LIMCH1: variants seen among roughly 807,000 people sequenced by gnomAD.
The protein encoded by LIMCH1 is LIM and calponin homology domains-containing protein 1.
Under a neutral mutation model 176.5 loss-of-function variants are expected in LIMCH1, and 113 were observed. That is an observed-to-expected ratio of 0.64 (90% CI 0.55 to 0.75). The LOEUF is 0.75. Among genes scored for constraint, LIMCH1 ranks in the 30% least tolerant of loss-of-function variants. The probability of loss-of-function intolerance (pLI) is 0.00; values close to 1 mark genes in which losing one functional copy is unlikely to be tolerated. For synonymous variants in LIMCH1, 619 were observed against 645.9 expected (o/e 0.96, Z 0.63); for missense variants, 1,674 against 1,814.9 (o/e 0.92, Z 1.41).
chr4:41,523,549 T>G (rs1251934697), intron 2 of LIMCH1, among the ~76,000 whole-genome samples: 1 of 152,226 alleles, frequency 6.6e-6, no homozygotes, highest in East Asian at 1.9e-4. Context: ...TTCCCGAACG[T>G]GGAAATAACA....
At chr4:41,447,238 A>C (rs1402361121) in intron 1 of LIMCH1, among the ~76,000 whole-genome samples, 1 of 152,216 alleles carries the variant, frequency 6.6e-6, no homozygotes, top group Non-Finnish European at 1.5e-5. Context: ...CTGTCTCAAC[A>C]ACAAACAAAC....
intron 21 of LIMCH1, among the ~76,000 whole-genome samples, chr4:41,666,921 A>T (rs1439867630): frequency 6.6e-6 from 1 of 152,176 alleles, no homozygotes; most frequent in Non-Finnish European, 1.5e-5. Flanking sequence ...TAGAGCCTAT[A>T]CAAGTGTTAG....
upstream of LIMCH1, among the ~76,000 whole-genome samples, chr4:41,535,599 A>G (rs2077826453): frequency 6.6e-6 from 1 of 152,170 alleles, no homozygotes; most frequent in Non-Finnish European, 1.5e-5. Flanking sequence ...TCTTACAGTC[A>G]CTACAGTCAC....
intron 1 of LIMCH1, among the ~76,000 whole-genome samples, chr4:41,441,579 T>C (rs1490147334): frequency 6.6e-6 from 1 of 152,176 alleles, no homozygotes; most frequent in African/African-American, 2.4e-5. Context: ...AAAATATGCA[T>C]GGGATTTGGA....
chr4:41,459,494 G>A (rs2065030657), intron 1 of LIMCH1, among the ~76,000 whole-genome samples: 1 of 152,068 alleles, frequency 6.6e-6, no homozygotes. Flanking sequence ...TAAAGACGAG[G>A]TCTCACCCTG....
At chr4:41,462,019 G>A (rs1438318576) in intron 1 of LIMCH1, among the ~76,000 whole-genome samples, 7 of 152,102 alleles carry the variant, frequency 4.6e-5, no homozygotes, top group Non-Finnish European at 7.4e-5. Flanking sequence ...GGCCAGTGTT[G>A]CCAAAGGGGC....
chr4:41,601,865 A>T (rs2089979585), intron 2 of LIMCH1, among the ~76,000 whole-genome samples: 1 of 152,052 alleles, frequency 6.6e-6, no homozygotes, highest in South Asian at 2.1e-4. Flanking sequence ...GTTAAAGTGG[A>T]ACTGCTATAT....
intron 1 of LIMCH1, among the ~76,000 whole-genome samples, chr4:41,583,333 T>G (rs763186823): frequency 2.0e-5 from 3 of 152,182 alleles, no homozygotes; most frequent in Non-Finnish European, 2.9e-5. Context: ...TTCACCCTTC[T>G]CCTCTCTTCC....
intron 2 of LIMCH1, among the ~76,000 whole-genome samples, chr4:41,601,060 T>C (rs1367061562): frequency 1.3e-5 from 2 of 152,202 alleles, no homozygotes; most frequent in East Asian, 3.9e-4. Context: ...GGTACTCTTA[T>C]TTTCTTTAGG....
At chr4:41,499,083 A>G (rs553122087) in intron 2 of LIMCH1, among the ~76,000 whole-genome samples, 18 of 152,344 alleles carry the variant, frequency 1.2e-4, no homozygotes, top group Middle Eastern at 6.8e-3. Flanking sequence ...TAAAGTTAAG[A>G]AATTGAGTTT....
intron 28 of LIMCH1, among the ~76,000 whole-genome samples, chr4:41,687,587 T>C (rs951681154): frequency 6.6e-6 from 1 of 152,282 alleles, no homozygotes; most frequent in Admixed American, 6.5e-5. Flanking sequence ...ATTCTGTCTT[T>C]TCTGTTCAGC....
chr4:41,541,338 G>A, intron 1 of LIMCH1, among the ~76,000 whole-genome samples: 1 of 152,152 alleles, frequency 6.6e-6, no homozygotes, highest in East Asian at 1.9e-4. Context: ...TCTCTTTTCA[G>A]CTCTGGGTAC....
chr4:41,403,123 G>T (rs1254957876), intron 1 of LIMCH1, among the ~76,000 whole-genome samples: 1 of 151,438 alleles, frequency 6.6e-6, no homozygotes, highest in Non-Finnish European at 1.5e-5. Flanking sequence ...AAAAAGCCTA[G>T]TACCATATCT....
intron 1 of LIMCH1, among the ~76,000 whole-genome samples, chr4:41,494,149 GA>G (rs895415215): frequency 5.9e-5 from 9 of 151,610 alleles, no homozygotes; most frequent in Admixed American, 5.9e-4. Flanking sequence ...GTAGTAAATA[GA>G]AAAAAAGGCT....
chr4:41,612,758 T>TC, intron 4 of LIMCH1: 1 of 717,370 alleles, frequency 1.4e-6, no homozygotes. Flanking sequence ...TGCTTTCAGC[T>TC]CCCCCAGCGC....
chr4:41,396,042 C>T (rs1262461070), intron 1 of LIMCH1, among the ~76,000 whole-genome samples: 1 of 152,090 alleles, frequency 6.6e-6, no homozygotes. Context: ...AGAAGAGCTC[C>T]CCGGTAATGG....
chr4:41,586,800 G>A (rs534624698), intron 1 of LIMCH1, among the ~76,000 whole-genome samples: 3 of 152,272 alleles, frequency 2.0e-5, no homozygotes, highest in Admixed American at 6.5e-5. Flanking sequence ...GAGCTTGAAT[G>A]TCAAGTCCTT....
intron 28 of LIMCH1, 41 bp downstream of exon 28, chr4:41,685,871 A>T (rs1720342001): frequency 6.3e-7 from 1 of 1,595,914 alleles, no homozygotes; most frequent in Non-Finnish European, 8.5e-7. Context: ...TCCCTTTTTT[A>T]AAAATTCATT....
At chr4:41,367,563 A>G (rs1172158043) in intron 1 of LIMCH1, among the ~76,000 whole-genome samples, 1 of 151,388 alleles carries the variant, frequency 6.6e-6, no homozygotes, top group African/African-American at 2.4e-5. Flanking sequence ...AAGGTCGGCT[A>G]GGTGCGGTGG....
Sources: gnomAD v4.1 joint callset for allele counts (sites outside exome capture counted in the v4.1 genomes callset) on GRCh38, gnomAD v4.1.1 for gene constraint, MANE v1.5 for transcripts, NCBI Gene and HGNC (gene_info 2026-07-23, HGNC 2026-07-21) for gene names.